The following COBLL1 variants were observed in gnomAD, a reference collection of about 807,000 sequenced individuals.
The protein encoded by COBLL1 is cordon-bleu WH2 repeat protein like 1.
Under a neutral mutation model 94.8 loss-of-function variants are expected in COBLL1, and 50 were observed. That is an observed-to-expected ratio of 0.53 (90% CI 0.42 to 0.67). COBLL1 has a LOEUF of 0.67. Ranked by LOEUF, COBLL1 falls within the 30% of genes least tolerant of loss-of-function variation. The probability of loss-of-function intolerance (pLI) is 0.00; values close to 1 mark genes in which losing one functional copy is unlikely to be tolerated. For missense variants in COBLL1, 1,362 were observed against 1,348.7 expected, an observed-to-expected ratio of 1.01 and a Z score of -0.15; for synonymous variants, 448 against 473.8, an observed-to-expected ratio of 0.95 and a Z score of 0.71.
intron 2 of COBLL1, among the ~76,000 whole-genome samples, chr2:164,810,939 AGAGT>A (rs1684429628): frequency 6.6e-6 from 1 of 152,088 alleles, no homozygotes; most frequent in Middle Eastern, 3.4e-3. Flanking sequence ...AACAAAACCT[AGAGT>A]TAGTCAAATA....
chr2:164,831,045 G>T (rs1299645616), intron 2 of COBLL1, among the ~76,000 whole-genome samples: 1 of 152,168 alleles, frequency 6.6e-6, no homozygotes, highest in Non-Finnish European at 1.5e-5. Context: ...ATTTTTGGCA[G>T]GGCACAGTGG....
chr2:164,723,498 C>T (rs969356003), intron 5 of COBLL1: 2 of 152,036 alleles, frequency 1.3e-5, no homozygotes, highest in African/African-American at 4.8e-5. Flanking sequence ...GGACATCTAG[C>T]CATACTAGAA....
intron 9 of COBLL1, among the ~76,000 whole-genome samples, chr2:164,703,856 T>G (rs1175113690): frequency 6.6e-6 from 1 of 152,194 alleles, no homozygotes; most frequent in Non-Finnish European, 1.5e-5. Context: ...TTTATCATAC[T>G]TCTTAGAAAA....
At chr2:164,770,631 C>T (rs1464955656) in intron 2 of COBLL1, among the ~76,000 whole-genome samples, 2 of 151,986 alleles carry the variant, frequency 1.3e-5, no homozygotes, top group Non-Finnish European at 2.9e-5. Flanking sequence ...GTATAAACAC[C>T]GTAAAATCCA....
At chr2:164,809,413 G>A (rs1684349644) in intron 2 of COBLL1, among the ~76,000 whole-genome samples, 1 of 151,952 alleles carries the variant, frequency 6.6e-6, no homozygotes, top group Non-Finnish European at 1.5e-5. Flanking sequence ...TCTGGGGGTT[G>A]CTATTTATCA....
intron 2 of COBLL1, among the ~76,000 whole-genome samples, chr2:164,789,155 C>A (rs1191608161): frequency 1.3e-5 from 2 of 151,868 alleles, no homozygotes; most frequent in Non-Finnish European, 2.9e-5. Flanking sequence ...CCAGCCTGGA[C>A]AAGTCCTGGA....
intron 5 of COBLL1, among the ~76,000 whole-genome samples, chr2:164,726,204 T>C (rs1685714778): frequency 6.6e-6 from 1 of 152,130 alleles, no homozygotes; most frequent in Non-Finnish European, 1.5e-5. Context: ...GTGGCAAAAT[T>C]AGGAGTAAAA....
chr2:164,774,542 A>G (rs1688367995), intron 2 of COBLL1, among the ~76,000 whole-genome samples: 1 of 152,222 alleles, frequency 6.6e-6, no homozygotes, highest in Non-Finnish European at 1.5e-5. Flanking sequence ...ACTTTGATAC[A>G]AAATCACATG....
chr2:164,700,381 A>T, intron 10 of COBLL1, 141 bp downstream of exon 10: 2 of 550,270 alleles, frequency 3.6e-6, no homozygotes, highest in Non-Finnish European at 6.3e-6. Flanking sequence ...ATTAATAAAC[A>T]TTCTTATATA....
chr2:164,666,923 T>C (rs1691168581), intron 1 of COBLL1, among the ~76,000 whole-genome samples: 2 of 152,194 alleles, frequency 1.3e-5, no homozygotes, highest in South Asian at 4.1e-4. Context: ...CCAAACTCTT[T>C]TTAATGTTGC....
intron 2 of COBLL1, among the ~76,000 whole-genome samples, chr2:164,813,936 G>C (rs2105344459): frequency 6.6e-6 from 1 of 152,294 alleles, no homozygotes; most frequent in Non-Finnish European, 1.5e-5. Flanking sequence ...AGGGGACAGA[G>C]GCTGTGAGAA....
At chr2:164,675,907 A>C (rs1331834593), downstream of COBLL1, among the ~76,000 whole-genome samples, 1 of 152,324 alleles carries the variant, frequency 6.6e-6, no homozygotes, top group East Asian at 1.9e-4. Flanking sequence ...TATATGGTGA[A>C]CTGTGACAGC....
intron 2 of COBLL1, among the ~76,000 whole-genome samples, chr2:164,661,615 T>C (rs528093646): frequency 6.6e-6 from 1 of 152,270 alleles, no homozygotes; most frequent in East Asian, 1.9e-4. Flanking sequence ...AGTTCACTGA[T>C]TACTATCTTT....
intron 2 of COBLL1, among the ~76,000 whole-genome samples, chr2:164,833,489 C>T (rs907494901): frequency 1.4e-5 from 2 of 141,386 alleles, no homozygotes; most frequent in African/African-American, 5.5e-5. Flanking sequence ...CTCACTCTTT[C>T]GCCCAGGCCG....
chr2:164,789,345 C>A (rs1262610700), intron 2 of COBLL1, among the ~76,000 whole-genome samples: 1 of 151,992 alleles, frequency 6.6e-6, no homozygotes, highest in Non-Finnish European at 1.5e-5. Flanking sequence ...AGAGAGTGGT[C>A]ATGTGTGTTT....
rs1437619252 is a variant in COBLL1, at chr2:164,699,394, A to G, written c.1555+11T>C. On this transcript the variant is annotated intron_variant, in intron 11 of 13. Transcript: ENST00000652658. ...GTAAGAAAGTGTTGGCTATTAATTT[A>G]TATAACTCACCATTCTCTTGGTTTG... The G allele has an allele frequency of 3.2e-6, 5 of 1,548,914 alleles. No homozygotes were observed. The South Asian group carries it at 5.6e-5, about 17-fold the overall frequency.
intron 2 of COBLL1, among the ~76,000 whole-genome samples, chr2:164,817,406 G>A (rs908265362): frequency 1.2e-4 from 16 of 135,668 alleles, no homozygotes; most frequent in Non-Finnish European, 2.6e-4. Context: ...TAGAACAACA[G>A]AGATAAAAAT....
In COBLL1 at chr2:164,685,982, G is replaced by C; in HGVS notation, c.3351C>G (p.Ser1117Arg). 1 of 1,609,998 alleles carries C rather than the reference G, an allele frequency of 6.2e-7. No homozygotes were observed. Among genetic ancestry groups the C allele is most frequent in the South Asian group, 1.1e-5 (1 of 90,852 alleles). The change falls in exon 14 of 14, where the codon AGC (serine) becomes AGG (arginine). Residue 1117 changes from serine to arginine, a missense_variant. By Grantham distance (110) the Ser-to-Arg change is moderately radical. Coordinates refer to ENST00000652658, the MANE Select transcript of COBLL1 (RefSeq NM_001365672.2). ...TISVNGRSRLSHSMSPDAQDG... is the reference protein window; with the variant it reads ...TISVNGRSRLRHSMSPDAQDG... ...CCTGGGCATCAGGGGACATGGAATG[G>C]CTGAGTCTTGACCTTCCATTCACAG...
intron 2 of COBLL1, among the ~76,000 whole-genome samples, chr2:164,805,321 C>CTATA (rs1559033315): frequency 4.5e-4 from 16 of 35,574 alleles, no homozygotes; most frequent in South Asian, 8.5e-4. Flanking sequence ...CTCTCTCTCT[C>CTATA]TCTCTCTCTC....
Sources: allele counts gnomAD v4.1 joint callset (sites outside exome capture counted in the v4.1 genomes callset), GRCh38; gene constraint gnomAD v4.1.1; transcripts MANE v1.5; gene names NCBI Gene and HGNC (gene_info 2026-07-23, HGNC 2026-07-21).